The following MYO16 variants were observed in gnomAD, a reference collection of about 807,000 sequenced individuals.
MYO16 encodes the protein unconventional myosin-XVI.
Under a neutral mutation model 205.3 loss-of-function variants are expected in MYO16, and 94 were observed. The observed-to-expected ratio is 0.46, with a 90% CI of 0.39 to 0.54. The LOEUF is 0.54. MYO16 is among the 20% of genes least tolerant of loss of function. The pLI is 0.00. For missense variants in MYO16, 2,315 were observed against 2,387.5 expected (o/e 0.97, Z 0.63); for synonymous variants, 988 against 954.0 (o/e 1.04, Z -0.66).
rs543054339 is a variant in MYO16, at chr13:109,074,542, C to T, written c.3335+18947C>T. ...TAAGCCCTCAGATCTTGTGAGAACT[C>T]TCTATCACGAGAACAGCATGGGGGA... On this transcript the variant is annotated intron_variant, in intron 27 of 34. Coordinates refer to ENST00000457511, the MANE Select transcript of MYO16 (RefSeq NM_001198950.3). 2.0e-5 allele frequency among the ~76,000 whole-genome samples: 3 copies of T among 152,222 alleles called. No individual in the cohort carries two copies. In the East Asian group the frequency reaches 5.8e-4, roughly 29 times the overall value.
chr13:108,583,560 T>A, the MYO16 span, among the ~76,000 whole-genome samples: 1 of 152,208 alleles, frequency 6.6e-6, no homozygotes, highest in Non-Finnish European at 1.5e-5. Flanking sequence ...TACTATTTTT[T>A]AATAATTTTA....
At chr13:108,797,881 T>G (rs372627780) in intron 6 of MYO16, among the ~76,000 whole-genome samples, 36 of 152,352 alleles carry the variant, frequency 2.4e-4, no homozygotes, top group Middle Eastern at 6.8e-3. Flanking sequence ...GAGAAGCTAT[T>G]GAAGTAATCA....
rs145106080 is a variant in MYO16 at position 108,735,899 on chromosome 13, A to G, written c.507+8316A>G. ...TGCATTTCTCTGATGGCCAGTGATG[A>G]TGAGCATTTGTTCATGTGTCTGTTA... On this transcript the variant is annotated intron_variant, in intron 4 of 34. Coordinates refer to ENST00000457511, the MANE Select transcript of MYO16 (RefSeq NM_001198950.3). Among the ~76,000 whole-genome samples, 1,497 of 152,190 alleles carry G rather than the reference A, an allele frequency of 9.8e-3. 22 individuals carry two copies. Among genetic ancestry groups the G allele is most frequent in the South Asian group, 0.025 (122 of 4,824 alleles).
intron 7 of MYO16, among the ~76,000 whole-genome samples, chr13:108,808,782 G>T (rs1160144449): frequency 2.6e-5 from 4 of 152,088 alleles, no homozygotes; most frequent in Non-Finnish European, 5.9e-5. Context: ...TATATAGTTA[G>T]ATTTAACAAT....
the MYO16 span, among the ~76,000 whole-genome samples, chr13:108,496,875 C>G: frequency 1.3e-5 from 2 of 150,424 alleles, no homozygotes; most frequent in African/African-American, 4.9e-5. Context: ...CTGAATTGGC[C>G]AGAGGAGTAA....
chr13:108,898,082 A>C lies in MYO16; in HGVS notation c.1726A>C (p.Ile576Leu). 1 of 1,614,174 alleles carries C rather than the reference A, an allele frequency of 6.2e-7. No individual in the cohort carries two copies. Among genetic ancestry groups the C allele is most frequent in the Non-Finnish European group, 8.5e-7 (1 of 1,179,986 alleles). Residue 576 changes from isoleucine (I) to leucine (L), a missense_variant, in exon 15 of 35, where the codon ATC becomes CTC. Transcript: ENST00000457511. ...TTLNDLSSCF[I>L]KYFELQFCER... ...ACTTAATGATTTGTCCAGTTGCTTC[A>C]TCAAGTATTTTGAACTGCAGTTCTG...
chr13:108,509,416 T>C, the MYO16 span, among the ~76,000 whole-genome samples: 1 of 152,254 alleles, frequency 6.6e-6, no homozygotes, highest in Non-Finnish European at 1.5e-5. Flanking sequence ...TATGGAAAGC[T>C]ACACTTTACA....
chr13:108,543,644 GAAA>G, the MYO16 span, among the ~76,000 whole-genome samples: 6 of 77,494 alleles, frequency 7.7e-5, no homozygotes, highest in Admixed American at 1.6e-4. Context: ...TCCCTCTCAA[GAAA>G]AAAAAAAAAA....
chr13:109,052,542 T>A (rs964797884), intron 25 of MYO16, 67 bp downstream of exon 25: 20 of 1,301,692 alleles, frequency 1.5e-5, no homozygotes, highest in African/African-American at 3.0e-5. Context: ...TTCTTTTTTT[T>A]TAAAAAAAAG....
Position 108,844,268 on chromosome 13 carries a change from A to G in MYO16, c.1098-75A>G, listed in dbSNP as rs1877395705. 8 of 1,297,720 alleles carry G rather than the reference A, an allele frequency of 6.2e-6. No homozygotes were observed. In the East Asian group the frequency reaches 1.4e-4, roughly 23 times the overall value. 80.4% of individuals were successfully genotyped at this position (1,297,720 alleles called of 1,614,324 possible). A position where few individuals can be genotyped will look rare whatever the true frequency, so the allele number is the denominator to read the frequency against. ...ATAAAACCACCGTCATAGTCCAACT[A>G]TCCTGTATTGGTAATTTTCGATTGA... is the stretch of plus-strand genomic sequence containing the variant. On this transcript the variant is annotated intron_variant, in intron 9 of 34. Coordinates refer to ENST00000457511, the MANE Select transcript of MYO16 (RefSeq NM_001198950.3).
intron 1 of MYO16, among the ~76,000 whole-genome samples, chr13:108,605,565 T>C (rs1878923870): frequency 6.6e-6 from 1 of 152,184 alleles, no homozygotes; most frequent in Admixed American, 6.5e-5. Context: ...TAAGGGGCTA[T>C]TTCTCCTTCA....
chr13:108,957,152 G>A (rs1335385866), intron 16 of MYO16, among the ~76,000 whole-genome samples: 2 of 152,080 alleles, frequency 1.3e-5, no homozygotes, highest in Admixed American at 6.5e-5. Flanking sequence ...TTGGGAGGCC[G>A]AGGTGGGTGG....
At chr13:108,808,014 A>G (rs1449567150) in intron 7 of MYO16, among the ~76,000 whole-genome samples, 1 of 152,176 alleles carries the variant, frequency 6.6e-6, no homozygotes, top group Non-Finnish European at 1.5e-5. Context: ...AAATGAAATC[A>G]GTTTTTCCTG....
At chr13:108,796,791 T>G (rs1886804195) in intron 6 of MYO16, among the ~76,000 whole-genome samples, 1 of 126,876 alleles carries the variant, frequency 7.9e-6, no homozygotes, top group African/African-American at 2.9e-5. Context: ...CGGGGAGGGA[T>G]AGCATTAGGA....
chr13:108,636,336 A>T (rs1403296218), intron 1 of MYO16, among the ~76,000 whole-genome samples: 2 of 141,862 alleles, frequency 1.4e-5, no homozygotes, highest in African/African-American at 2.7e-5. Flanking sequence ...TTAAATGAAA[A>T]AATATTTCCC....
At chr13:108,806,027 C>T (rs961820232) in intron 6 of MYO16, among the ~76,000 whole-genome samples, 1 of 152,080 alleles carries the variant, frequency 6.6e-6, no homozygotes, top group Non-Finnish European at 1.5e-5. Flanking sequence ...GGCAGGATCA[C>T]TTGAGCCCTG....
At chr13:108,701,827 A>G (rs1369078992) in intron 2 of MYO16, among the ~76,000 whole-genome samples, 1 of 152,152 alleles carries the variant, frequency 6.6e-6, no homozygotes, top group Admixed American at 6.6e-5. Context: ...GCTAAAGGAA[A>G]GTATGAAAGT....
At chr13:108,898,435 A>C (rs1030349695) in intron 15 of MYO16, among the ~76,000 whole-genome samples, 1 of 150,942 alleles carries the variant, frequency 6.6e-6, no homozygotes, top group Non-Finnish European at 1.5e-5. Flanking sequence ...GTTATTGTGA[A>C]TTAAAAAATA....
chr13:108,697,380 C>A (rs979926398), intron 2 of MYO16, among the ~76,000 whole-genome samples: 4 of 152,152 alleles, frequency 2.6e-5, no homozygotes, highest in African/African-American at 9.7e-5. Context: ...AAGTCCTATC[C>A]CCAGCTATCT....
Sources: allele counts gnomAD v4.1 joint callset (sites outside exome capture counted in the v4.1 genomes callset), GRCh38; gene constraint gnomAD v4.1.1; transcripts MANE v1.5; gene names NCBI Gene and HGNC (gene_info 2026-07-23, HGNC 2026-07-21).